The following DCC variants were observed in gnomAD, a reference collection of about 807,000 sequenced individuals.
DCC encodes the protein DCC netrin 1 receptor.
DCC carries 58 observed loss-of-function variants against 172.5 expected under a neutral mutation model. That is an observed-to-expected ratio of 0.34 (90% CI 0.27 to 0.42). The LOEUF (loss-of-function observed/expected upper bound fraction) is 0.42. Among genes scored for constraint, DCC ranks in the 10% least tolerant of loss-of-function variants. DCC has a pLI of 1.00. For missense variants in DCC, 1,740 were observed against 1,791.0 expected (o/e 0.97, Z 0.51); for synonymous variants, 709 against 644.5 (o/e 1.10, Z -1.52).
intron 1 of DCC, among the ~76,000 whole-genome samples, chr18:52,473,995 T>C (rs2144566447): frequency 6.6e-6 from 1 of 152,246 alleles, no homozygotes; most frequent in East Asian, 1.9e-4. Context: ...TTCTTTTTTT[T>C]TACTGCTCCT....
intron 26 of DCC, among the ~76,000 whole-genome samples, chr18:53,497,140 C>T (rs2046034239): frequency 6.6e-6 from 1 of 151,972 alleles, no homozygotes; most frequent in Non-Finnish European, 1.5e-5. Context: ...AAAAGCTAGC[C>T]CATTGGAGAT....
chr18:52,642,021 T>TATATATATATAC, intron 1 of DCC, among the ~76,000 whole-genome samples: 1 of 9,026 alleles, frequency 1.1e-4, no homozygotes, highest in East Asian at 3.6e-3. Flanking sequence ...TGTGTATATA[T>TATATATATATAC]ATATATATAT....
intron 12 of DCC, among the ~76,000 whole-genome samples, chr18:53,239,509 GAGTGA>G (rs2056257105): frequency 6.6e-6 from 1 of 152,134 alleles, no homozygotes; most frequent in Non-Finnish European, 1.5e-5. Context: ...GCTGATAGGT[GAGTGA>G]ATTCACGGAG....
intron 5 of DCC, among the ~76,000 whole-genome samples, chr18:53,010,689 CATAAT>C (rs1223785897): frequency 6.7e-6 from 1 of 150,356 alleles, no homozygotes; most frequent in Non-Finnish European, 1.5e-5. Context: ...TAGGTACATA[CATAAT>C]ATATTTATAT....
intron 1 of DCC, among the ~76,000 whole-genome samples, chr18:52,693,864 G>T (rs748622357): frequency 6.6e-6 from 1 of 152,116 alleles, no homozygotes; most frequent in Non-Finnish European, 1.5e-5. Context: ...ACATGAGTAC[G>T]TGCTGATATA....
intron 2 of DCC, among the ~76,000 whole-genome samples, chr18:52,809,687 A>T (rs1454026867): frequency 6.6e-6 from 1 of 152,180 alleles, no homozygotes; most frequent in Non-Finnish European, 1.5e-5. Flanking sequence ...TAGAAGCTCA[A>T]CTTGTGCCCT....
intron 5 of DCC, among the ~76,000 whole-genome samples, chr18:52,967,469 G>C (rs2040954135): frequency 6.6e-6 from 1 of 152,182 alleles, no homozygotes; most frequent in Non-Finnish European, 1.5e-5. Flanking sequence ...CCAGGACCTT[G>C]AATTCAAGTG....
intron 1 of DCC, among the ~76,000 whole-genome samples, chr18:52,569,901 T>G (rs1464114051): frequency 1.3e-5 from 2 of 152,212 alleles, no homozygotes; most frequent in Admixed American, 6.6e-5. Context: ...ATTATATATA[T>G]GTATACTCAA....
intron 15 of DCC, among the ~76,000 whole-genome samples, chr18:53,382,045 TTC>T (rs200924627): frequency 0.025 from 3,638 of 143,966 alleles, 70 homozygotes; most frequent in Middle Eastern, 0.066. Context: ...CGTTTTTCTT[TTC>T]TCTCTCTCTC....
chr18:53,079,097 C>T (rs1230714563), intron 7 of DCC, among the ~76,000 whole-genome samples: 1 of 152,076 alleles, frequency 6.6e-6, no homozygotes, highest in Non-Finnish European at 1.5e-5. Flanking sequence ...TTTCTCCTAA[C>T]AGTATGGCAC....
At chr18:53,088,375 G>A (rs2042949979) in intron 7 of DCC, among the ~76,000 whole-genome samples, 1 of 152,082 alleles carries the variant, frequency 6.6e-6, no homozygotes, top group Non-Finnish European at 1.5e-5. Flanking sequence ...ATTGTGAATG[G>A]GAGTTCACTC....
intron 1 of DCC, among the ~76,000 whole-genome samples, chr18:52,431,241 G>C (rs765411321): frequency 1.3e-5 from 2 of 152,004 alleles, no homozygotes; most frequent in Non-Finnish European, 2.9e-5. Flanking sequence ...TTGGAGGCTT[G>C]CTACATTTGT....
chr18:52,542,850 C>A (rs1804627191), intron 1 of DCC, among the ~76,000 whole-genome samples: 1 of 151,788 alleles, frequency 6.6e-6, no homozygotes, highest in African/African-American at 2.4e-5. Context: ...AAAAAAAAAG[C>A]AACTAGGAAC....
At position 52,844,790 on chromosome 18, in the gene DCC, G is replaced by A. The variant is rs138417244; in HGVS notation, c.413-61254G>A. Among the ~76,000 whole-genome samples the A allele has an allele frequency of 5.6e-3, 859 of 152,264 alleles. 5 individuals are homozygous for A. Among genetic ancestry groups the A allele is most frequent in the African/African-American group, 0.02 (829 of 41,554 alleles). On this transcript the variant is annotated intron_variant, in intron 2 of 28. Coordinates refer to ENST00000442544, the MANE Select transcript of DCC (RefSeq NM_005215.4). ...ACCAGTCTTGTGAACTTAGAGAAAG[G>A]TAGGGCTTCCTCTTTGATGTTTGTC...
intron 12 of DCC, among the ~76,000 whole-genome samples, chr18:53,228,145 C>G (rs575639506): frequency 6.6e-6 from 1 of 151,740 alleles, no homozygotes; most frequent in South Asian, 2.1e-4. Flanking sequence ...GTTTTGTTTT[C>G]TTATACTTCA....
At chr18:52,477,292 A>T (rs1437073644) in intron 1 of DCC, among the ~76,000 whole-genome samples, 1 of 152,202 alleles carries the variant, frequency 6.6e-6, no homozygotes, top group Non-Finnish European at 1.5e-5. Flanking sequence ...CACCAAAGCC[A>T]TCAATACTAG....
chr18:52,682,690 T>G (rs963902045), intron 1 of DCC, among the ~76,000 whole-genome samples: 1 of 151,754 alleles, frequency 6.6e-6, no homozygotes, highest in Admixed American at 6.6e-5. Context: ...CAGACAAATA[T>G]AAAATATGTC....
chr18:53,231,806 C>T (rs1158118550), intron 12 of DCC, among the ~76,000 whole-genome samples: 3 of 151,986 alleles, frequency 2.0e-5, no homozygotes, highest in Admixed American at 6.6e-5. Context: ...CTCTTCTTAT[C>T]GCATGCACAA....
chr18:52,636,154 G>T (rs757186033), intron 1 of DCC, among the ~76,000 whole-genome samples: 21 of 152,172 alleles, frequency 1.4e-4, no homozygotes, highest in Non-Finnish European at 2.2e-4. Context: ...AGAGCCAAGG[G>T]AAATACAGAG....
Sources: gnomAD v4.1 joint callset for allele counts (sites outside exome capture counted in the v4.1 genomes callset) on GRCh38, gnomAD v4.1.1 for gene constraint, MANE v1.5 for transcripts, NCBI Gene and HGNC (gene_info 2026-07-23, HGNC 2026-07-21) for gene names.